The following COL15A1 variants were observed in gnomAD, a reference collection of about 807,000 sequenced individuals.
COL15A1 encodes collagen type XV alpha 1 chain.
A neutral mutation model predicts 165.9 loss-of-function variants in COL15A1; 111 were observed. That is an observed-to-expected ratio of 0.67 (90% CI 0.57 to 0.78). The LOEUF (loss-of-function observed/expected upper bound fraction) is 0.78, where lower values mean the gene tolerates loss of function less well. Among genes scored for constraint, COL15A1 ranks in the 30% least tolerant of loss-of-function variants. The pLI is 0.00. For synonymous variants in COL15A1, 659 were observed against 674.8 expected, an observed-to-expected ratio of 0.98 and a Z score of 0.36; for missense variants, 1,745 against 1,789.7, an observed-to-expected ratio of 0.98 and a Z score of 0.45.
At chr9:98,953,682 C>T (rs1168917365) in intron 2 of COL15A1, among the ~76,000 whole-genome samples, 2 of 152,218 alleles carry the variant, frequency 1.3e-5, no homozygotes, top group Non-Finnish European at 2.9e-5. Context: ...GGGCCCCTGA[C>T]CTTAGATGCC....
At chr9:98,976,537 G>A (rs1397910172) in intron 2 of COL15A1, among the ~76,000 whole-genome samples, 1 of 152,194 alleles carries the variant, frequency 6.6e-6, no homozygotes, top group Non-Finnish European at 1.5e-5. Context: ...GAGATGGGAG[G>A]GAACGTGGAC....
chr9:98,959,308 G>A (rs997691326), intron 2 of COL15A1, among the ~76,000 whole-genome samples: 2 of 151,670 alleles, frequency 1.3e-5, no homozygotes, highest in Admixed American at 1.3e-4. Context: ...TACTCAGGAG[G>A]CTGAGGCAGG....
intron 9 of COL15A1, among the ~76,000 whole-genome samples, chr9:99,006,775 T>C (rs1167507976): frequency 2.6e-5 from 4 of 152,212 alleles, no homozygotes; most frequent in Admixed American, 2.6e-4. Flanking sequence ...CCTAGCTTAA[T>C]AGAAACTAGA....
In COL15A1 at chr9:99,063,976, G is replaced by A. The variant is rs187550431; in HGVS notation, c.3651+867G>A. Among the ~76,000 whole-genome samples the A allele has an allele frequency of 3.2e-4, 49 of 152,148 alleles. No individual in the cohort carries two copies. In the East Asian group the frequency reaches 7.9e-3, roughly 25 times the overall value. On this transcript the variant is annotated intron_variant, in intron 39 of 41. Transcript: ENST00000375001. ...CTTTGCTAGCTTAAGTAAAGATCTCGTTTAAATCAGCATAGAAACCTCATG... is the reference window on the plus strand; with the variant it reads ...CTTTGCTAGCTTAAGTAAAGATCTCATTTAAATCAGCATAGAAACCTCATG...
intron 2 of COL15A1, among the ~76,000 whole-genome samples, chr9:98,955,292 C>T (rs1241464074): frequency 6.6e-6 from 1 of 152,186 alleles, no homozygotes; most frequent in African/African-American, 2.4e-5. Flanking sequence ...AGGGCAATTC[C>T]TACTCTAAGG....
intron 5 of COL15A1, among the ~76,000 whole-genome samples, chr9:98,993,764 G>A (rs1161947434): frequency 2.6e-5 from 4 of 152,204 alleles, no homozygotes; most frequent in East Asian, 1.9e-4. Flanking sequence ...GGCATTTTCC[G>A]GCAGCCACCC....
intron 16 of COL15A1, among the ~76,000 whole-genome samples, chr9:99,027,722 G>T (rs1051248872): frequency 4.6e-5 from 7 of 152,242 alleles, no homozygotes; most frequent in Non-Finnish European, 8.8e-5. Flanking sequence ...ATTTGTTTCT[G>T]AAATTTGCTA....
At chr9:99,043,455 C>G (rs1000638825) in intron 24 of COL15A1, among the ~76,000 whole-genome samples, 2 of 152,080 alleles carry the variant, frequency 1.3e-5, no homozygotes, top group African/African-American at 4.8e-5. Context: ...ATGACATCCC[C>G]GCCCTAACCT....
intron 2 of COL15A1, among the ~76,000 whole-genome samples, chr9:98,967,132 C>A (rs1837970848): frequency 6.6e-6 from 1 of 152,218 alleles, no homozygotes; most frequent in African/African-American, 2.4e-5. Flanking sequence ...TACCTACCTC[C>A]TGAAGGGCTC....
At chr9:99,023,246 G>A (rs562774980) in intron 13 of COL15A1, 111 bp from the exon 14 acceptor site, 46 of 1,306,546 alleles carry the variant, frequency 3.5e-5, no homozygotes, top group Non-Finnish European at 4.6e-5. Context: ...AGAAGTTATC[G>A]GGCTATAGGA....
At chr9:99,044,795 G>A in intron 26 of COL15A1, 25 bp downstream of exon 26, 1 of 1,606,742 alleles carries the variant, frequency 6.2e-7, no homozygotes. Context: ...CTCTCAGCTG[G>A]ATCTGGGCTG....
chr9:99,038,093 G>A (rs553593066), intron 21 of COL15A1, among the ~76,000 whole-genome samples: 1 of 151,946 alleles, frequency 6.6e-6, no homozygotes, highest in African/African-American at 2.4e-5. Flanking sequence ...ACTGGAAAAA[G>A]GATGACTAAA....
Position 99,022,117 on chromosome 9 carries a change from C to A in COL15A1, c.1728C>A (p.Gly576=). The change falls in exon 13 of 42, where the codon GGC becomes GGA. Residue 576 remains glycine (G), a synonymous_variant. Transcript: ENST00000375001. ...EKGDAGEELP[G]PPEPSGPVGP... is the part of the protein sequence containing the mutation. ...GTGATGCTGGGGAGGAGCTTCCTGG[C>A]CCTCCTGAACCTTCTGGGCCTGTTG... The A allele has an allele frequency of 6.2e-7, 1 of 1,614,134 alleles. No individual in the cohort carries two copies. The highest frequency in any genetic ancestry group is 8.5e-7 in the Non-Finnish European group (1 of 1,180,002).
chr9:98,948,325 G>A (rs550618150), intron 2 of COL15A1, among the ~76,000 whole-genome samples: 51 of 152,238 alleles, frequency 3.4e-4, no homozygotes, highest in Non-Finnish European at 6.5e-4. Flanking sequence ...TCGGCCGGGC[G>A]CGGTGGCTCA....
chr9:99,069,428 G>A (rs1188503597), intron 41 of COL15A1, among the ~76,000 whole-genome samples: 1 of 152,124 alleles, frequency 6.6e-6, no homozygotes, highest in Non-Finnish European at 1.5e-5. Flanking sequence ...CAGACCAAGG[G>A]ACCCCATGAG....
chr9:99,048,980 T>C (rs921759357), intron 28 of COL15A1, among the ~76,000 whole-genome samples: 1 of 152,088 alleles, frequency 6.6e-6, no homozygotes, highest in African/African-American at 2.4e-5. Flanking sequence ...CCAGAAATAC[T>C]ATTTTCCTGA....
rs973389359 is a variant in COL15A1, at chr9:98,953,672, G to C, written c.100+9422G>C. Among the ~76,000 whole-genome samples the C allele has an allele frequency of 3.3e-5, 5 of 152,188 alleles. No homozygotes were observed. The South Asian group carries it at 8.3e-4, about 25-fold the overall frequency. ...CCCTGGTATCTCTCCCAAGTGACCA[G>C]GGCCCCTGACCTTAGATGCCAGGGA... On this transcript the variant is annotated intron_variant, in intron 2 of 41. Coordinates refer to ENST00000375001, the MANE Select transcript of COL15A1 (RefSeq NM_001855.5).
At chr9:99,034,494 A>G (rs1839260674) in intron 16 of COL15A1, 55 bp from the exon 17 acceptor site, 2 of 1,555,908 alleles carry the variant, frequency 1.3e-6, no homozygotes, top group Non-Finnish European at 1.7e-6. Flanking sequence ...TCTTCAGAAC[A>G]CACCTCATGA....
chr9:99,060,064 T>A, intron 36 of COL15A1, 111 bp downstream of exon 36: 1 of 1,150,848 alleles, frequency 8.7e-7, no homozygotes, highest in Non-Finnish European at 1.2e-6. Context: ...GCCTTCATGA[T>A]AGTAGGCTTG....
Sources: allele counts gnomAD v4.1 joint callset (sites outside exome capture counted in the v4.1 genomes callset), GRCh38; gene constraint gnomAD v4.1.1; transcripts MANE v1.5; gene names NCBI Gene and HGNC (gene_info 2026-07-23, HGNC 2026-07-21).